UNC93B1: variants seen among roughly 807,000 people sequenced by gnomAD.
UNC93B1 encodes unc-93B1 regulator of TLR signaling.
A neutral mutation model predicts 56.8 loss-of-function variants in UNC93B1; 33 were observed. The observed-to-expected ratio is 0.58, with a 90% confidence interval of 0.44 to 0.78. The LOEUF is 0.78. Ranked by LOEUF, UNC93B1 falls within the 30% of genes least tolerant of loss-of-function variation. The pLI is 0.00. For missense variants in UNC93B1, 673 were observed against 819.5 expected, an observed-to-expected ratio of 0.82 and a Z score of 2.18; for synonymous variants, 334 against 358.6, an observed-to-expected ratio of 0.93 and a Z score of 0.77.
At chr11:67,997,293 G>C (rs950348336) in intron 7 of UNC93B1, among the ~76,000 whole-genome samples, 5 of 152,076 alleles carry the variant, frequency 3.3e-5, no homozygotes, top group African/African-American at 1.2e-4. Flanking sequence ...CTGCCGTCCA[G>C]TATCACTTCC....
chr11:67,991,696 G>C lies in UNC93B1; in HGVS notation c.1644C>G (p.Asp548Glu), dbSNP rs4014598. 12 of 1,532,860 alleles carry C rather than the reference G, an allele frequency of 7.8e-6. No homozygotes were observed. The highest frequency in any genetic ancestry group is 1.4e-5 in the African/African-American group (1 of 72,800). 95.0% of individuals were successfully genotyped at this position (1,532,860 alleles called of 1,614,324 possible). A position where few individuals can be genotyped will look rare whatever the true frequency, so the allele number is the denominator to read the frequency against. Reference protein sequence around the residue: ...GYRYLEEDNSDESDAEGEHGD... With the variant: ...GYRYLEEDNSEESDAEGEHGD... ...CATGCTCGCCCTCCGCGTCGCTCTC[G>C]TCCGAGTTGTCCTCCTCCAAGTAGC... Residue 548 changes from aspartate (D) to glutamate (E), a missense_variant, in exon 11 of 11, where the codon GAC becomes GAG. This residue lies in a region of UNC93B1 where 80 missense variants were observed against 85.3 expected (regional missense o/e 0.94). Coordinates refer to ENST00000227471, the MANE Select transcript of UNC93B1 (RefSeq NM_030930.4).
chr11:67,999,299 C>T lies in UNC93B1; in HGVS notation c.561G>A (p.Ala187=), dbSNP rs766567004. Residue 187 remains alanine (A), a synonymous_variant, in exon 5 of 11, where the codon GCG becomes GCA. Coordinates refer to ENST00000227471, the MANE Select transcript of UNC93B1 (RefSeq NM_030930.4). ...AGTGGGAGTACTCATGGTACTTCTG[C>T]GCCATCCTGGACCACAAAGGAGAGA... ...ASMGNYITRM[A]QKYHEYSHYK... is the part of the protein sequence containing the mutation. The T allele has an allele frequency of 1.3e-5, 21 of 1,612,450 alleles. No homozygotes were observed. Among genetic ancestry groups the T allele is most frequent in the Middle Eastern group, 1.6e-4 (1 of 6,082 alleles).
intron 4 of UNC93B1, 67 bp from the exon 5 acceptor site, chr11:67,999,372 A>C: frequency 3.2e-6 from 5 of 1,561,436 alleles, no homozygotes; most frequent in Non-Finnish European, 2.6e-6. Context: ...TCCTGCACCC[A>C]GAGCTAGGAG....
rs1857009549 is a variant in UNC93B1, at chr11:67,999,559, T to G, written c.514A>C (p.Ile172Leu). Residue 172 changes from isoleucine (I) to leucine (L), a missense_variant, in exon 4 of 11, where the codon ATC (isoleucine) becomes CTC (leucine). By Grantham distance (5) the Ile-to-Leu change is conservative (BLOSUM62 2). Coordinates refer to ENST00000227471, the MANE Select transcript of UNC93B1 (RefSeq NM_030930.4). ...VPSAVALGMA[I>L]VPLWASMGNY... ...CCCATGGAAGCCCAAAGAGGCACGA[T>G]GGCCATGCCCAGGGCCACAGCCGAG... is the stretch of plus-strand genomic sequence containing the variant. The G allele has an allele frequency of 6.4e-7, 1 of 1,574,472 alleles. No homozygotes were observed. The highest frequency in any genetic ancestry group is 8.6e-7 in the Non-Finnish European group (1 of 1,161,042).
At chr11:68,000,954 G>A (rs1180010797) in intron 3 of UNC93B1, among the ~76,000 whole-genome samples, 1 of 152,070 alleles carries the variant, frequency 6.6e-6, no homozygotes, top group African/African-American at 2.4e-5. Flanking sequence ...CAGCACTTTA[G>A]GAGGTGGAGG....
In UNC93B1 at chr11:67,998,381, C is replaced by T. The variant is rs1342020868; in HGVS notation, c.759G>A (p.Thr253=). Residue 253 remains threonine (T), a synonymous_variant, in exon 6 of 11, where the codon ACG becomes ACA. Transcript: ENST00000227471. ...AACCGCAGCTCTGCACATTGTACAG[C>T]GTGTGGTTCAGGTCATACAGGTAGT... The part of the protein sequence containing the change: ...LNHYLYDLNH[T]LYNVQSCGTN... 13 of 1,613,954 alleles carry T rather than the reference C, an allele frequency of 8.1e-6. No individual in the cohort carries two copies. The East Asian group carries it at 8.9e-5, about 11-fold the overall frequency.
chr11:67,994,034 T>G (rs764238892), intron 9 of UNC93B1, among the ~76,000 whole-genome samples: 28 of 151,900 alleles, frequency 1.8e-4, no homozygotes, highest in Non-Finnish European at 3.5e-4. Context: ...GATGCAGGTG[T>G]TCCCGCTCCG....
At chr11:67,999,128 G>A (rs140566211) in intron 5 of UNC93B1, 45 bp downstream of exon 5, 606 of 1,610,930 alleles carry the variant, frequency 3.8e-4, no homozygotes, top group Non-Finnish European at 4.9e-4. Context: ...GCTCCAATGC[G>A]TGGGTCTGCC....
Position 68,003,065 on chromosome 11 carries a change from C to A in UNC93B1, c.349G>T (p.Val117Leu), listed in dbSNP as rs772328269. 7.4e-6 allele frequency: 12 copies of A among 1,612,954 alleles called. No individual in the cohort carries two copies. The East Asian group carries it at 2.2e-4, about 30-fold the overall frequency. ...TAGAGCAGGGCGGCGATGGGAGTCA[C>A]GTTGATGCCCATCAGCATTTTGCTG... ...IDSKMLMGINVTPIAALLYTP... is the reference protein window; with the variant it reads ...IDSKMLMGINLTPIAALLYTP... The change falls in exon 3 of 11, where the codon GTG (valine) becomes TTG (leucine). Residue 117 changes from valine (V) to leucine (L), a missense_variant. By Grantham distance (32) the Val-to-Leu change is conservative. Coordinates refer to ENST00000227471, the MANE Select transcript of UNC93B1 (RefSeq NM_030930.4). The surrounding 1 kb of genome is among the most constrained non-coding windows in gnomAD (Gnocchi z 4.4).
At chr11:67,997,573 C>A (rs1856969454) in intron 7 of UNC93B1, 102 bp downstream of exon 7, 1 of 1,561,496 alleles carries the variant, frequency 6.4e-7, no homozygotes. Context: ...GGCCACAACC[C>A]GACCCAGGCC....
In UNC93B1 at chr11:68,003,381, C is replaced by G; in HGVS notation, c.239-206G>C. 1.2e-6 allele frequency: 1 copy of G among 813,892 alleles called. No individual in the cohort carries two copies. The highest frequency in any genetic ancestry group is 1.8e-6 in the Non-Finnish European group (1 of 549,528). The allele number at this position is 813,892 out of a possible 1,614,324, so 50.4% of individuals were successfully genotyped here. ...TGGCCAGCTAAGCCCAGACCCCCAC[C>G]CGCCTTGCTCCGCCGGCCTCCAATT... On this transcript the variant is annotated intron_variant, in intron 2 of 10. Coordinates refer to ENST00000227471, the MANE Select transcript of UNC93B1 (RefSeq NM_030930.4). The surrounding 1 kb of genome is among the most constrained non-coding windows in gnomAD (Gnocchi z 4.4).
Position 67,997,710 on chromosome 11 carries a change from C to A in UNC93B1, c.871G>T (p.Val291Leu). The A allele has an allele frequency of 1.2e-6, 2 of 1,608,124 alleles. No homozygotes were observed. The highest frequency in any genetic ancestry group is 8.5e-7 in the Non-Finnish European group (1 of 1,179,868). The change falls in exon 7 of 11, where the codon GTG becomes TTG. Residue 291 changes from valine (V) to leucine (L), a missense_variant. This residue lies in a region of UNC93B1 where 438 missense variants were observed against 465.9 expected (regional missense o/e 0.94). Coordinates refer to ENST00000227471, the MANE Select transcript of UNC93B1 (RefSeq NM_030930.4). ...RSGNLIVVES[V>L]LMAVAFLAML... The stretch of plus-strand genomic sequence containing the variant: ...GCCAGGAAGGCCACTGCCATGAGCA[C>A]GCTCTCCACCACAATGAGGTTTCCG...
At chr11:67,993,353 T>G (rs1046989533) in intron 10 of UNC93B1, among the ~76,000 whole-genome samples, 3 of 152,380 alleles carry the variant, frequency 2.0e-5, no homozygotes, top group African/African-American at 7.2e-5. Context: ...CCATTTTTTG[T>G]GAGCAGAGCA....
At chr11:67,999,784 G>C (rs908610912) in intron 3 of UNC93B1, 104 bp from the exon 4 acceptor site, 5 of 1,426,030 alleles carry the variant, frequency 3.5e-6, no homozygotes, top group South Asian at 1.4e-5. Context: ...AGGGCTTTGT[G>C]AGGTAGAGAG....
rs1436198011 is a variant in UNC93B1 at position 67,999,160 on chromosome 11, A to G, written c.687+13T>C. ...TGCCCCTGCCACCCAACAATGGCCC[A>G]CGTGGCACTCACATGGAAGAAGCTG... On this transcript the variant is annotated intron_variant, in intron 5 of 10. Coordinates refer to ENST00000227471, the MANE Select transcript of UNC93B1 (RefSeq NM_030930.4). 6.2e-7 allele frequency: 1 copy of G among 1,613,706 alleles called. No individual in the cohort carries two copies. Among genetic ancestry groups the G allele is most frequent in the Non-Finnish European group, 8.5e-7 (1 of 1,179,840 alleles).
intron 9 of UNC93B1, 41 bp downstream of exon 9, chr11:67,995,570 T>TTCCCCCCCC (rs1565124042): frequency 5.5e-6 from 1 of 182,064 alleles, no homozygotes. Context: ...TAAAGCCCCC[T>TTCCCCCCCC]GCCCCGCCCC....
At position 68,003,624 on chromosome 11, in the gene UNC93B1, C is replaced by T. The variant is rs752346686; in HGVS notation, c.238+33G>A. ...TTTCCCGGGCCGGGCTGGGAGCGGG[C>T]GGGGCGGCCCCGGGTCCCCGAGCGG... On this transcript the variant is annotated intron_variant, in intron 2 of 10. Coordinates refer to ENST00000227471, the MANE Select transcript of UNC93B1 (RefSeq NM_030930.4). This position sits in a 1 kb window ranked among gnomAD's most constrained non-coding sequence, Gnocchi z 4.4. 3.3e-5 allele frequency: 50 copies of T among 1,498,854 alleles called. 4 individuals are homozygous for T. In the South Asian group the frequency reaches 3.6e-4, roughly 11 times the overall value. The allele number at this position is 1,498,854 out of a possible 1,614,324, so 92.8% of individuals were successfully genotyped here.
chr11:68,003,691 G>C lies in UNC93B1; in HGVS notation c.204C>G (p.Ser68Arg). The C allele has an allele frequency of 6.5e-7, 1 of 1,529,620 alleles. No individual in the cohort carries two copies. Among genetic ancestry groups the C allele is most frequent in the Non-Finnish European group, 8.7e-7 (1 of 1,143,312 alleles). 94.8% of individuals were successfully genotyped at this position (1,529,620 alleles called of 1,614,324 possible). A position where few individuals can be genotyped will look rare whatever the true frequency, so the allele number is the denominator to read the frequency against. Reference sequence around the variant, plus strand: ...CGCCGTAGGTGAGCATGCCCCCGGCGCTGGCAGCCAGCACGTTCTTGAGCA... The same window carrying C: ...CGCCGTAGGTGAGCATGCCCCCGGCCCTGGCAGCCAGCACGTTCTTGAGCA... ...LGVLKNVLAA[S>R]AGGMLTYGVY... Residue 68 changes from serine to arginine, a missense_variant, in exon 2 of 11, where the codon AGC (serine) becomes AGG (arginine). Physicochemically the swap from Ser to Arg is moderately radical, Grantham distance 110. Coordinates refer to ENST00000227471, the MANE Select transcript of UNC93B1 (RefSeq NM_030930.4). This position sits in a 1 kb window ranked among gnomAD's most constrained non-coding sequence, Gnocchi z 4.4.
chr11:68,001,834 A>G (rs1180277726), intron 3 of UNC93B1, among the ~76,000 whole-genome samples: 1 of 152,132 alleles, frequency 6.6e-6, no homozygotes, highest in Admixed American at 6.6e-5. Context: ...GTAGGCTAAG[A>G]TATGCTCAGT....
Sources: gnomAD v4.1 joint callset for allele counts (sites outside exome capture counted in the v4.1 genomes callset) on GRCh38, gnomAD v4.1.1 for gene constraint, gnomAD v4.1.1 regional missense constraint, Gnocchi (gnomAD v3.1) non-coding constraint, MANE v1.5 for transcripts, NCBI Gene and HGNC (gene_info 2026-07-23, HGNC 2026-07-21) for gene names.